The following H1-8 variants were observed in gnomAD, a reference collection of about 807,000 sequenced individuals.
H1-8 encodes histone H1.8.
In H1-8, 13 loss-of-function variants were observed where a neutral mutation model predicts 19.5. The ratio of observed to expected loss-of-function variants is 0.67; its 90% CI spans 0.43 to 1.06. H1-8 has a LOEUF of 1.06. Among genes scored for constraint, H1-8 ranks in the 50% least tolerant of loss-of-function variants. The pLI, the probability that H1-8 is intolerant of heterozygous loss-of-function variation, is 0.00. For synonymous variants in H1-8, 193 were observed against 187.6 expected (o/e 1.03, Z -0.24); for missense variants, 432 against 459.8 (o/e 0.94, Z 0.55).
intron 4 of H1-8, 138 bp from the exon 5 acceptor site, chr3:129,550,969 C>T (rs2084928195): frequency 1.0e-6 from 1 of 957,314 alleles, no homozygotes; most frequent in Non-Finnish European, 1.6e-6. Flanking sequence ...CCCCTGGCAC[C>T]CTGGGGGTGT....
chr3:129,547,230 G>T (rs2084895053), intron 1 of H1-8, among the ~76,000 whole-genome samples, 161 bp from the exon 2 acceptor site: 1 of 152,188 alleles, frequency 6.6e-6, no homozygotes, highest in Admixed American at 6.5e-5. Flanking sequence ...AGTGAGCCTT[G>T]AGGGGAGACC....
chr3:129,544,948 G>A (rs1016042006), intron 1 of H1-8, among the ~76,000 whole-genome samples: 7 of 151,722 alleles, frequency 4.6e-5, no homozygotes, highest in Non-Finnish European at 7.4e-5. Context: ...CACTGGGCTC[G>A]TCATGGCCAG....
intron 1 of H1-8, among the ~76,000 whole-genome samples, chr3:129,543,916 C>T (rs2084869827): frequency 1.3e-5 from 2 of 152,116 alleles, no homozygotes; most frequent in African/African-American, 4.8e-5. Context: ...GGGAAAGCTT[C>T]CTAGAAGAGG....
At chr3:129,546,457 G>A (rs969737703) in intron 1 of H1-8, among the ~76,000 whole-genome samples, 2 of 152,178 alleles carry the variant, frequency 1.3e-5, no homozygotes, top group Non-Finnish European at 2.9e-5. Context: ...CATCTGCTGG[G>A]TTATTTCAAA....
intron 1 of H1-8, among the ~76,000 whole-genome samples, chr3:129,543,861 G>GCTGGAGGAGC (rs1461213210): frequency 6.6e-6 from 1 of 152,186 alleles, no homozygotes; most frequent in East Asian, 1.9e-4. Context: ...GTAATCCAGA[G>GCTGGAGGAGC]CTGGAGGAGC....
chr3:129,547,283 G>C, intron 1 of H1-8, 108 bp from the exon 2 acceptor site: 1 of 1,152,548 alleles, frequency 8.7e-7, no homozygotes, highest in Non-Finnish European at 1.2e-6. Flanking sequence ...TTGGGGAGAG[G>C]GGGGCATCTG....
chr3:129,548,368 G>A, intron 2 of H1-8: 2 of 986,138 alleles, frequency 2.0e-6, no homozygotes, highest in Non-Finnish European at 2.4e-6. Context: ...TCCTGGGCGT[G>A]GGTCAGAGCC....
At position 129,547,395 on chromosome 3, in the gene H1-8, G is replaced by C. The variant is rs972047130; in HGVS notation, c.93G>C (p.Pro31=). ...TGGCCTGCCATCTCTCCTCAGGCCC[G>C]AGCCACGGCGGTGTCCCACCAGGAG... ...SRSPESEKPG[P]SHGGVPPGGP... is the part of the protein sequence containing the mutation. The change falls in exon 2 of 5, where the codon CCG becomes CCC. Residue 31 remains proline, a synonymous_variant. Transcript: ENST00000324382. 5 of 1,498,928 alleles carry C rather than the reference G, an allele frequency of 3.3e-6. No individual in the cohort carries two copies. Among genetic ancestry groups the C allele is most frequent in the Non-Finnish European group, 4.4e-6 (5 of 1,128,990 alleles). 92.9% of individuals were successfully genotyped at this position (1,498,928 alleles called of 1,614,324 possible).
intron 1 of H1-8, 92 bp downstream of exon 1, chr3:129,543,398 A>T: frequency 1.1e-6 from 1 of 951,258 alleles, no homozygotes; most frequent in Non-Finnish European, 1.6e-6. Context: ...GTTCTTTCCC[A>T]GCCTGGCCCC....
chr3:129,547,730 G>A, intron 2 of H1-8, 50 bp downstream of exon 2: 2 of 1,462,728 alleles, frequency 1.4e-6, no homozygotes, highest in Non-Finnish European at 1.8e-6. Context: ...CAATGGTCCT[G>A]GCCTCTGTGA....
chr3:129,548,711 A>G (rs1285175525), intron 2 of H1-8, among the ~76,000 whole-genome samples: 2 of 147,398 alleles, frequency 1.4e-5, no homozygotes, highest in African/African-American at 4.9e-5. Flanking sequence ...TGGTGGGGGC[A>G]TGGGGCATGA....
rs761140781 is a variant in H1-8, at chr3:129,547,584, G to C, written c.282G>C (p.Lys94Asn). 7 of 1,562,106 alleles carry C rather than the reference G, an allele frequency of 4.5e-6. No homozygotes were observed. Among genetic ancestry groups the C allele is most frequent in the Non-Finnish European group, 6.1e-6 (7 of 1,153,470 alleles). Reference protein sequence around the residue: ...KYPTVDVLRFKYLLKQALATG... With the variant: ...KYPTVDVLRFNYLLKQALATG... Reference sequence around the variant, plus strand: ...CAACAGTGGACGTCCTCCGCTTCAAGTACCTGCTGAAGCAGGCGCTGGCCA... The same window carrying C: ...CAACAGTGGACGTCCTCCGCTTCAACTACCTGCTGAAGCAGGCGCTGGCCA... The change falls in exon 2 of 5, where the codon AAG becomes AAC. Residue 94 changes from lysine to asparagine, a missense_variant. Lys to Asn is a moderately conservative substitution (Grantham distance 94). Transcript: ENST00000324382.
chr3:129,548,832 T>G (rs1031096146), intron 2 of H1-8, among the ~76,000 whole-genome samples, 169 bp from the exon 3 acceptor site: 1 of 151,966 alleles, frequency 6.6e-6, no homozygotes, highest in African/African-American at 2.4e-5. Context: ...CCTAGAATCA[T>G]AGTAGACAGT....
chr3:129,550,944 C>A, intron 4 of H1-8, 135 bp downstream of exon 4: 1 of 961,814 alleles, frequency 1.0e-6, no homozygotes, highest in Admixed American at 2.3e-5. Context: ...CACAGTCCAC[C>A]ACCTTCTCTC....
chr3:129,550,015 C>G (rs2084922169), intron 3 of H1-8, among the ~76,000 whole-genome samples: 1 of 152,152 alleles, frequency 6.6e-6, no homozygotes, highest in South Asian at 2.1e-4. Context: ...AGTCTACCTA[C>G]AGTTTTGGCA....
intron 1 of H1-8, 68 bp downstream of exon 1, chr3:129,543,374 C>A: frequency 8.7e-7 from 1 of 1,147,770 alleles, no homozygotes; most frequent in Non-Finnish European, 1.3e-6. Flanking sequence ...TTTGATGCTC[C>A]ACCCCTGCTT....
intron 3 of H1-8, among the ~76,000 whole-genome samples, chr3:129,549,934 A>G (rs1324733482): frequency 6.6e-6 from 1 of 152,024 alleles, no homozygotes; most frequent in Non-Finnish European, 1.5e-5. Flanking sequence ...AGCGTGGGTG[A>G]CAGAGTGACA....
At chr3:129,546,122 C>CAATAATAATAATAATAAT (rs56301839) in intron 1 of H1-8, among the ~76,000 whole-genome samples, 1 of 139,230 alleles carries the variant, frequency 7.2e-6, no homozygotes. Flanking sequence ...ATAACAATAA[C>CAATAATAATAATAATAAT]AATAATAATA....
intron 1 of H1-8, among the ~76,000 whole-genome samples, chr3:129,546,122 CAATAATAATAAT>C (rs56301839): frequency 0.011 from 1,463 of 139,222 alleles, 12 homozygotes; most frequent in Non-Finnish European, 0.015. Flanking sequence ...ATAACAATAA[CAATAATAATAAT>C]AATAATAATA....
Sources: gnomAD v4.1 joint callset for allele counts (sites outside exome capture counted in the v4.1 genomes callset) on GRCh38, gnomAD v4.1.1 for gene constraint, MANE v1.5 for transcripts, NCBI Gene and HGNC (gene_info 2026-07-23, HGNC 2026-07-21) for gene names.